Variants in DMC1 observed in about 807,000 individuals in gnomAD.
The protein encoded by DMC1 is meiotic recombination protein DMC1 homolog.
In DMC1, 27 loss-of-function variants were observed where a neutral mutation model predicts 50.1. The ratio of observed to expected loss-of-function variants is 0.54; its 90% CI spans 0.40 to 0.74. The LOEUF (loss-of-function observed/expected upper bound fraction) is 0.74, where lower values mean the gene tolerates loss of function less well. Among genes scored for constraint, DMC1 ranks in the 30% least tolerant of loss-of-function variants. The pLI is 0.00. For synonymous variants in DMC1, 148 were observed against 136.1 expected, an observed-to-expected ratio of 1.09 and a Z score of -0.61; for missense variants, 295 against 420.2, an observed-to-expected ratio of 0.70 and a Z score of 2.60.
chr22:38,567,332 C>T (rs556407598), intron 3 of DMC1, among the ~76,000 whole-genome samples: 1 of 152,304 alleles, frequency 6.6e-6, no homozygotes, highest in East Asian at 1.9e-4. Context: ...TTATTCCAGT[C>T]GCCTGACATA....
downstream of DMC1, among the ~76,000 whole-genome samples, chr22:38,518,586 AGTG>A (rs2089992515): frequency 6.6e-6 from 1 of 151,314 alleles, no homozygotes; most frequent in Non-Finnish European, 1.5e-5. Context: ...GCTGGAGTGC[AGTG>A]GCTCTATCTT....
chr22:38,539,239 CA>C, intron 9 of DMC1, 81 bp downstream of exon 9: 1 of 991,018 alleles, frequency 1.0e-6, no homozygotes, highest in South Asian at 1.3e-5. Flanking sequence ...AAAAAAGTAT[CA>C]AAATGTTGTA....
chr22:38,566,532 C>T, intron 4 of DMC1, 58 bp downstream of exon 4: 1 of 1,591,630 alleles, frequency 6.3e-7, no homozygotes, highest in South Asian at 1.1e-5. Flanking sequence ...ATGAGAAAGC[C>T]TATAAAGATT....
At chr22:38,513,763 G>A in the DMC1 span, among the ~76,000 whole-genome samples, 3 of 152,154 alleles carry the variant, frequency 2.0e-5, no homozygotes, top group Non-Finnish European at 2.9e-5. Flanking sequence ...TTGGGGTTTC[G>A]CCATGTTGGC....
rs1174207137 is a variant in DMC1 at position 38,538,708 on chromosome 22, T to A, written c.587-96A>T. ...TGGGAGCCAGGCAAAATAAATTCCTTGAAGGATTTTCTTAATTATTGATGA... is the reference window on the plus strand; with the variant it reads ...TGGGAGCCAGGCAAAATAAATTCCTAGAAGGATTTTCTTAATTATTGATGA... On this transcript the variant is annotated intron_variant, in intron 9 of 13. Coordinates refer to ENST00000216024, the MANE Select transcript of DMC1 (RefSeq NM_007068.4). 4 of 1,096,124 alleles carry A rather than the reference T, an allele frequency of 3.6e-6. No individual in the cohort carries two copies. In the South Asian group the frequency reaches 5.0e-5, roughly 14 times the overall value. 67.9% of individuals were successfully genotyped at this position (1,096,124 alleles called of 1,614,324 possible). A position where few individuals can be genotyped will look rare whatever the true frequency, so the allele number is the denominator to read the frequency against.
intron 12 of DMC1, among the ~76,000 whole-genome samples, chr22:38,527,560 C>T (rs1202520409): frequency 6.8e-6 from 1 of 147,866 alleles, no homozygotes; most frequent in African/African-American, 2.5e-5. Flanking sequence ...GCTCTGTCAC[C>T]CAGGATGGAG....
intron 12 of DMC1, among the ~76,000 whole-genome samples, chr22:38,534,082 C>T (rs1260328151): frequency 6.6e-6 from 1 of 152,120 alleles, no homozygotes; most frequent in East Asian, 1.9e-4. Flanking sequence ...AAGAGCTGTT[C>T]TGATTAAAGG....
intron 12 of DMC1, among the ~76,000 whole-genome samples, chr22:38,536,440 CTGTG>C (rs1157205891): frequency 6.6e-6 from 1 of 152,158 alleles, no homozygotes; most frequent in African/African-American, 2.4e-5. Flanking sequence ...CTTTAGCTCT[CTGTG>C]TGTTTCTATT....
chr22:38,550,776 C>T lies in DMC1; in HGVS notation c.422-779G>A, dbSNP rs535170185. ...TAAAACCCTGTCTCTACTAAAAATA[C>T]AAAAATTAGCTGGGTGTGGTGGTGC... On this transcript the variant is annotated intron_variant, in intron 7 of 13. Coordinates refer to ENST00000216024, the MANE Select transcript of DMC1 (RefSeq NM_007068.4). Among the ~76,000 whole-genome samples the T allele has an allele frequency of 1.8e-4, 27 of 150,204 alleles. No homozygotes were observed. In the South Asian group the frequency reaches 5.6e-3, roughly 31 times the overall value.
intron 12 of DMC1, among the ~76,000 whole-genome samples, chr22:38,529,003 A>C (rs1360861927): frequency 2.7e-5 from 4 of 150,860 alleles, no homozygotes; most frequent in Non-Finnish European, 3.0e-5. Flanking sequence ...ATTTTCTTCT[A>C]TTTCTTTCTT....
At chr22:38,530,519 T>C (rs2090141911) in intron 12 of DMC1, among the ~76,000 whole-genome samples, 1 of 152,062 alleles carries the variant, frequency 6.6e-6, no homozygotes, top group Admixed American at 6.6e-5. Context: ...TGAGATTGGC[T>C]TCACAAAAGC....
At chr22:38,560,699 T>C (rs1020091282) in intron 5 of DMC1, among the ~76,000 whole-genome samples, 12 of 151,772 alleles carry the variant, frequency 7.9e-5, no homozygotes, top group Non-Finnish European at 1.3e-4. Flanking sequence ...AAAAATAACA[T>C]ATATTATATA....
intron 12 of DMC1, among the ~76,000 whole-genome samples, chr22:38,532,099 C>T (rs950253440): frequency 2.6e-5 from 4 of 152,118 alleles, no homozygotes; most frequent in Admixed American, 1.3e-4. Context: ...TCCCTCTGAG[C>T]CAATGAGTCA....
chr22:38,558,881 C>T (rs2090496050), intron 5 of DMC1, among the ~76,000 whole-genome samples: 1 of 152,124 alleles, frequency 6.6e-6, no homozygotes, highest in African/African-American at 2.4e-5. Context: ...ATCAGATTGT[C>T]ATTTGAATCA....
rs551869455 is a variant in DMC1 at position 38,560,752 on chromosome 22, G to GA, written c.326+1534dup. ...AAAATATCAAGCATAAACAAATGTA[G>GA]AAAAAAAATAATGAACCATCGTGTC... On this transcript the variant is annotated intron_variant, in intron 5 of 13. Coordinates refer to ENST00000216024, the MANE Select transcript of DMC1 (RefSeq NM_007068.4). Among the ~76,000 whole-genome samples, 269 of 151,446 alleles carry GA rather than the reference G, an allele frequency of 1.8e-3. 1 individual carries two copies. Among genetic ancestry groups the GA allele is most frequent in the Non-Finnish European group, 1.4e-3 (94 of 67,830 alleles).
intron 5 of DMC1, among the ~76,000 whole-genome samples, chr22:38,559,423 C>G (rs2090502669): frequency 6.6e-6 from 1 of 152,102 alleles, no homozygotes; most frequent in South Asian, 2.1e-4. Flanking sequence ...CCCATCTTGG[C>G]CTCCCGAAGT....
intron 12 of DMC1, among the ~76,000 whole-genome samples, chr22:38,534,299 C>T (rs192850068): frequency 6.6e-5 from 10 of 152,242 alleles, no homozygotes; most frequent in Admixed American, 5.2e-4. Context: ...TGTAGAAGAA[C>T]ATCATTATTC....
intron 12 of DMC1, among the ~76,000 whole-genome samples, chr22:38,523,764 T>G (rs2090056155): frequency 6.8e-6 from 1 of 148,096 alleles, no homozygotes; most frequent in African/African-American, 2.6e-5. Context: ...TGGGACTCTG[T>G]CTCAGAAAAA....
downstream of DMC1, among the ~76,000 whole-genome samples, chr22:38,516,815 A>G (rs2089979645): frequency 6.6e-6 from 1 of 152,022 alleles, no homozygotes; most frequent in Admixed American, 6.6e-5. Context: ...CAGTTGAATA[A>G]TCTTTTTCTT....
Sources: allele counts gnomAD v4.1 joint callset (sites outside exome capture counted in the v4.1 genomes callset), GRCh38; gene constraint gnomAD v4.1.1; transcripts MANE v1.5; gene names NCBI Gene and HGNC (gene_info 2026-07-23, HGNC 2026-07-21).